Variants in PHLDB2 observed in about 807,000 individuals in gnomAD.
The protein encoded by PHLDB2 is pleckstrin homology like domain family B member 2, also known as pleckstrin homology-like domain family B member 2.
PHLDB2 carries 71 observed loss-of-function variants against 123.6 expected under a neutral mutation model. The observed-to-expected ratio is 0.57, with a 90% confidence interval of 0.47 to 0.70. The LOEUF is 0.70. Ranked by LOEUF, PHLDB2 falls within the 30% of genes least tolerant of loss-of-function variation. PHLDB2 has a pLI of 0.00. For synonymous variants in PHLDB2, 547 were observed against 541.6 expected (o/e 1.01, Z -0.14); for missense variants, 1,446 against 1,519.5 (o/e 0.95, Z 0.80).
intron 1 of PHLDB2, among the ~76,000 whole-genome samples, chr3:111,832,532 T>TC (rs1456381893): frequency 6.7e-6 from 1 of 149,408 alleles, no homozygotes; most frequent in Non-Finnish European, 1.5e-5. Flanking sequence ...TTAGGCTTTT[T>TC]CCCGCTGTTA....
At chr3:111,919,492 A>G (rs1302019329) in intron 4 of PHLDB2, among the ~76,000 whole-genome samples, 1 of 151,988 alleles carries the variant, frequency 6.6e-6, no homozygotes, top group Non-Finnish European at 1.5e-5. Context: ...GTGCTTTCTG[A>G]CCTGACCTAA....
chr3:111,813,790 G>A (rs1559845236), intron 1 of PHLDB2, among the ~76,000 whole-genome samples: 1 of 152,158 alleles, frequency 6.6e-6, no homozygotes, highest in Non-Finnish European at 1.5e-5. Context: ...AATTCATTGT[G>A]TGATATTTAG....
chr3:111,856,421 T>C (rs2064510825), upstream of PHLDB2, among the ~76,000 whole-genome samples: 1 of 152,236 alleles, frequency 6.6e-6, no homozygotes, highest in Admixed American at 6.5e-5. Flanking sequence ...CCTTTTTTAC[T>C]TATAAAATGG....
intron 1 of PHLDB2, among the ~76,000 whole-genome samples, chr3:111,809,057 G>C (rs1039134458): frequency 1.4e-4 from 21 of 152,186 alleles, no homozygotes; most frequent in Admixed American, 1.3e-4. Context: ...GGAACTGACT[G>C]CTGTCATCGA....
At chr3:111,758,447 G>A (rs1309333418) in intron 1 of PHLDB2, among the ~76,000 whole-genome samples, 1 of 152,176 alleles carries the variant, frequency 6.6e-6, no homozygotes, top group East Asian at 1.9e-4. Context: ...TGTTTTTTAA[G>A]CTCGTCGGAA....
intron 5 of PHLDB2, among the ~76,000 whole-genome samples, chr3:111,926,511 A>G (rs543973058): frequency 6.6e-6 from 1 of 152,288 alleles, no homozygotes; most frequent in South Asian, 2.1e-4. Flanking sequence ...TGGGGATTAA[A>G]TCAATAGGAT....
chr3:111,805,560 C>G (rs1385678444), intron 1 of PHLDB2, among the ~76,000 whole-genome samples: 1 of 144,682 alleles, frequency 6.9e-6, no homozygotes, highest in Non-Finnish European at 1.5e-5. Context: ...CACTCCGTCT[C>G]AAAAAAAAAG....
At chr3:111,901,506 T>C (rs2067202545) in intron 2 of PHLDB2, among the ~76,000 whole-genome samples, 1 of 146,348 alleles carries the variant, frequency 6.8e-6, no homozygotes, top group Non-Finnish European at 1.5e-5. Context: ...CTGGTTTCTT[T>C]ATGCATTAAA....
Position 111,839,681 on chromosome 3 carries a change from A to T in PHLDB2, c.-48-6140A>T, listed in dbSNP as rs145202210. 3.0e-3 allele frequency among the ~76,000 whole-genome samples: 457 copies of T among 152,080 alleles called. 3 individuals carry two copies. Among genetic ancestry groups the T allele is most frequent in the Non-Finnish European group, 3.7e-3 (254 of 67,990 alleles). On this transcript the variant is annotated intron_variant, in intron 1 of 17. Coordinates refer to the PHLDB2 transcript ENST00000393923. ...TTTCTTTTTTAATTGTGTTGGTTAT[A>T]ATCTCTAGGAAAAAAATGTTCAATA...
chr3:111,732,623 C>G (rs535191710), exon 1 of PHLDB2: 1 of 1,535,216 alleles, frequency 6.5e-7, no homozygotes, highest in Non-Finnish European at 8.7e-7. Context: ...CTTCAGCAAT[C>G]GCTGGAACAG....
At chr3:111,974,169 T>C (rs1388502570) in intron 17 of PHLDB2, among the ~76,000 whole-genome samples, 1 of 152,216 alleles carries the variant, frequency 6.6e-6, no homozygotes, top group East Asian at 1.9e-4. Context: ...TACTCTCAGC[T>C]AGGTACCCTG....
chr3:111,805,757 G>A (rs1427608451), intron 1 of PHLDB2, among the ~76,000 whole-genome samples: 2 of 148,258 alleles, frequency 1.3e-5, no homozygotes, highest in African/African-American at 5.1e-5. Flanking sequence ...GGTGGTGAGT[G>A]GGAGTGTTGA....
Position 111,780,411 on chromosome 3 carries a change from A to G in PHLDB2, c.-49+47708A>G, listed in dbSNP as rs182344279. On this transcript the variant is annotated intron_variant, in intron 1 of 17. Transcript: ENST00000393923. The stretch of plus-strand genomic sequence containing the variant: ...AAGAAGAAGAAGAAGAAGAAGAAGA[A>G]AAAGATTAGTTCGGCCCAACTTTCT... 9.9e-5 allele frequency among the ~76,000 whole-genome samples: 13 copies of G among 130,722 alleles called. 2 individuals are homozygous for G. Among genetic ancestry groups the G allele is most frequent in the Admixed American group, 1.5e-4 (2 of 13,136 alleles). The allele number at this position is 130,722 out of a possible 152,430, so 85.8% of individuals were successfully genotyped here.
At chr3:111,940,756 A>G (rs1296962770) in intron 8 of PHLDB2, 111 bp downstream of exon 8, 2 of 481,354 alleles carry the variant, frequency 4.2e-6, no homozygotes, top group Admixed American at 4.3e-5. Flanking sequence ...ATACAATTTA[A>G]GGAAGATTTT....
chr3:111,769,892 A>T (rs2060144751), intron 1 of PHLDB2, among the ~76,000 whole-genome samples: 1 of 152,248 alleles, frequency 6.6e-6, no homozygotes, highest in Non-Finnish European at 1.5e-5. Flanking sequence ...TGGGTTAAAT[A>T]TATCTGTGTA....
intron 1 of PHLDB2, among the ~76,000 whole-genome samples, chr3:111,748,111 G>T (rs1046973887): frequency 7.0e-6 from 1 of 141,902 alleles, no homozygotes; most frequent in Non-Finnish European, 1.5e-5. Context: ...TAAGAATGCT[G>T]GTGAATGAGG....
At chr3:111,732,548 C>A in exon 1 of PHLDB2, 2 of 1,355,990 alleles carry the variant, frequency 1.5e-6, no homozygotes, top group Non-Finnish European at 2.0e-6. Context: ...TGGAAAGGAA[C>A]CTCACCTTCA....
intron 12 of PHLDB2, among the ~76,000 whole-genome samples, chr3:111,959,864 T>C (rs932249388): frequency 6.6e-6 from 1 of 152,208 alleles, no homozygotes; most frequent in Non-Finnish European, 1.5e-5. Context: ...GGTTGGTTTT[T>C]CCTCAATGTG....
At chr3:111,737,966 A>T (rs570175258) in intron 1 of PHLDB2, among the ~76,000 whole-genome samples, 3 of 152,082 alleles carry the variant, frequency 2.0e-5, no homozygotes, top group South Asian at 4.2e-4. Flanking sequence ...AGAAGAGAAA[A>T]CCCAGGAGAG....
Sources: gnomAD v4.1 joint callset for allele counts (sites outside exome capture counted in the v4.1 genomes callset) on GRCh38, gnomAD v4.1.1 for gene constraint, MANE v1.5 for transcripts, NCBI Gene and HGNC (gene_info 2026-07-23, HGNC 2026-07-21) for gene names.